Variants in DNAI3 observed in about 807,000 individuals in gnomAD.
The protein encoded by DNAI3 is dynein axonemal intermediate chain 3, also known as WD repeat domain 63.
DNAI3 carries 83 observed loss-of-function variants against 115.5 expected under a neutral mutation model. That is an observed-to-expected ratio of 0.72 (90% CI 0.60 to 0.86). The LOEUF is 0.86. DNAI3 is among the 40% of genes least tolerant of loss of function. The pLI, the probability that DNAI3 is intolerant of heterozygous loss-of-function variation, is 0.00. For missense variants in DNAI3, 1,004 were observed against 1,075.8 expected (o/e 0.93, Z 0.93); for synonymous variants, 320 against 347.0 (o/e 0.92, Z 0.86).
At chr1:85,077,304 A>G (rs1270183283) in intron 3 of DNAI3, among the ~76,000 whole-genome samples, 2 of 152,314 alleles carry the variant, frequency 1.3e-5, no homozygotes, top group Non-Finnish European at 1.5e-5. Flanking sequence ...CACAAAAATT[A>G]ACTCAAAAGG....
intron 1 of DNAI3, 80 bp downstream of exon 1, chr1:85,062,566 C>T (rs1206158598): frequency 6.6e-6 from 1 of 152,212 alleles, no homozygotes; most frequent in East Asian, 1.9e-4. Flanking sequence ...TGAACACTCG[C>T]TGTGTCAGCA....
rs373791319 is a variant in DNAI3, at chr1:85,073,045, A to G, written c.65-9A>G. ...AATGTAAATTTGACTTCCTTTTATT[A>G]TATTCTAGCTAGTGAAGACATGGAA... On this transcript the variant is annotated splice_polypyrimidine_tract_variant and intron_variant, in intron 2 of 22. Coordinates refer to ENST00000294664, the MANE Select transcript of DNAI3 (RefSeq NM_145172.5). 67 of 1,510,020 alleles carry G rather than the reference A, an allele frequency of 4.4e-5. No homozygotes were observed. Among genetic ancestry groups the G allele is most frequent in the Non-Finnish European group, 5.3e-5 (60 of 1,122,864 alleles). The allele number at this position is 1,510,020 out of a possible 1,614,324, so 93.5% of individuals were successfully genotyped here. A position where few individuals can be genotyped will look rare whatever the true frequency, so the allele number is the denominator to read the frequency against.
chr1:85,069,316 G>A (rs981554141), intron 1 of DNAI3, among the ~76,000 whole-genome samples: 1 of 151,828 alleles, frequency 6.6e-6, no homozygotes, highest in African/African-American at 2.4e-5. Flanking sequence ...TTGTTCCAAT[G>A]TCCAGTTCCT....
chr1:85,101,597 G>A (rs1407164993), intron 13 of DNAI3, among the ~76,000 whole-genome samples: 1 of 151,460 alleles, frequency 6.6e-6, no homozygotes, highest in Non-Finnish European at 1.5e-5. Context: ...GCGTGGTGGC[G>A]GGCGCCTGTA....
intron 14 of DNAI3, 104 bp from the exon 15 acceptor site, chr1:85,107,929 A>G (rs1655537275): frequency 1.0e-5 from 8 of 793,778 alleles, no homozygotes; most frequent in Non-Finnish European, 1.4e-5. Flanking sequence ...ATACATTAAA[A>G]TATAGCCATG....
chr1:85,100,421 A>T (rs897565374), intron 13 of DNAI3, among the ~76,000 whole-genome samples: 4 of 152,248 alleles, frequency 2.6e-5, no homozygotes, highest in Admixed American at 2.0e-4. Context: ...AACCACAATG[A>T]GATACCATCT....
intron 3 of DNAI3, among the ~76,000 whole-genome samples, chr1:85,075,437 T>G (rs1654420111): frequency 6.6e-6 from 1 of 152,062 alleles, no homozygotes; most frequent in Non-Finnish European, 1.5e-5. Context: ...AAAACCAACC[T>G]CAGAACATTA....
chr1:85,080,751 A>G (rs1654612314), intron 3 of DNAI3, among the ~76,000 whole-genome samples: 1 of 152,228 alleles, frequency 6.6e-6, no homozygotes, highest in Admixed American at 6.5e-5. Context: ...TTATAACTAG[A>G]TATTTGTTTG....
At position 85,085,856 on chromosome 1, in the gene DNAI3, G is replaced by A. The variant is rs145219148; in HGVS notation, c.566G>A (p.Arg189Gln). ...ATTACATATATGATTTCTCGAAAAC[G>A]AAGTGAATTTGGTGCACCAATTAAG... The part of the protein sequence containing the change: ...KQITYMISRK[R>Q]SEFGAPIKFS... Residue 189 changes from arginine (R) to glutamine (Q), a missense_variant, in exon 7 of 23, where the codon CGA becomes CAA. Coordinates refer to ENST00000294664, the MANE Select transcript of DNAI3 (RefSeq NM_145172.5). The A allele has an allele frequency of 5.6e-5, 90 of 1,614,088 alleles. 1 individual carries two copies. The highest frequency in any genetic ancestry group is 4.1e-4 in the African/African-American group (31 of 75,042).
At chr1:85,115,154 G>GT (rs924067916) in intron 16 of DNAI3, among the ~76,000 whole-genome samples, 102 of 152,212 alleles carry the variant, frequency 6.7e-4, no homozygotes, top group African/African-American at 2.2e-3. Context: ...TACCTTAGTT[G>GT]TTTTTTTGCT....
At chr1:85,109,989 T>C in intron 15 of DNAI3, 59 bp from the exon 16 acceptor site, 1 of 1,525,616 alleles carries the variant, frequency 6.6e-7, no homozygotes, top group South Asian at 1.1e-5. Context: ...AAGAATAAAT[T>C]ACCCAAGGAT....
chr1:85,070,018 T>C (rs1654218165), intron 1 of DNAI3, among the ~76,000 whole-genome samples: 1 of 152,120 alleles, frequency 6.6e-6, no homozygotes. Context: ...ATCCCAGCAC[T>C]TTGGGAGGCC....
intron 18 of DNAI3, among the ~76,000 whole-genome samples, chr1:85,122,844 A>G (rs1490492819): frequency 6.6e-6 from 1 of 152,226 alleles, no homozygotes; most frequent in Non-Finnish European, 1.5e-5. Context: ...TGCCTGGGGC[A>G]TAGGGTTGTG....
At chr1:85,080,303 G>A (rs1277422336) in intron 3 of DNAI3, among the ~76,000 whole-genome samples, 1 of 151,974 alleles carries the variant, frequency 6.6e-6, no homozygotes, top group Non-Finnish European at 1.5e-5. Flanking sequence ...CGCCTGCCTC[G>A]AGCAGGTGTC....
chr1:85,081,645 T>TTTTTG (rs538598585), intron 4 of DNAI3, among the ~76,000 whole-genome samples: 25 of 151,994 alleles, frequency 1.6e-4, no homozygotes, highest in Non-Finnish European at 3.1e-4. Flanking sequence ...CCTTGCCCAG[T>TTTTTG]TTTTGTTTTG....
At chr1:85,085,303 C>G (rs1358216481) in intron 6 of DNAI3, among the ~76,000 whole-genome samples, 2 of 152,170 alleles carry the variant, frequency 1.3e-5, no homozygotes, top group Admixed American at 6.5e-5. Context: ...GTTATGGCAG[C>G]TGTAGGAAGC....
rs538468388 is a variant in DNAI3, at chr1:85,079,889, T to C, written c.104-1345T>C. Among the ~76,000 whole-genome samples the C allele has an allele frequency of 7.9e-5, 12 of 152,176 alleles. No individual in the cohort carries two copies. In the East Asian group the frequency reaches 2.3e-3, roughly 29 times the overall value. Reference sequence around the variant, plus strand: ...GAAAGGGATTCCCTACCCACTTTCCTGTGTCCAAGGGTTTATTAATACAAC... The same window carrying C: ...GAAAGGGATTCCCTACCCACTTTCCCGTGTCCAAGGGTTTATTAATACAAC... On this transcript the variant is annotated intron_variant, in intron 3 of 22. Coordinates refer to ENST00000294664, the MANE Select transcript of DNAI3 (RefSeq NM_145172.5).
intron 13 of DNAI3, among the ~76,000 whole-genome samples, chr1:85,101,606 T>C (rs1655316549): frequency 6.6e-6 from 1 of 151,368 alleles, no homozygotes; most frequent in Admixed American, 6.6e-5. Flanking sequence ...CGGGCGCCTG[T>C]AGTCCCAGCT....
At chr1:85,089,974 A>C (rs1371205435) in intron 7 of DNAI3, 142 bp from the exon 8 acceptor site, 3 of 362,602 alleles carry the variant, frequency 8.3e-6, no homozygotes, top group Non-Finnish European at 1.5e-5. Flanking sequence ...GTCTAGGATA[A>C]AGAAAATTCA....
Sources: gnomAD v4.1 joint callset for allele counts (sites outside exome capture counted in the v4.1 genomes callset) on GRCh38, gnomAD v4.1.1 for gene constraint, MANE v1.5 for transcripts, NCBI Gene and HGNC (gene_info 2026-07-23, HGNC 2026-07-21) for gene names.